FKBP14: variants seen among roughly 807,000 people sequenced by gnomAD.
FKBP14 encodes the protein FKBP prolyl isomerase 14.
In FKBP14, 20 loss-of-function variants were observed where a neutral mutation model predicts 21.6. That is an observed-to-expected ratio of 0.92 (90% confidence interval 0.65 to 1.34). The LOEUF is 1.34. FKBP14 is among the 40% of genes most tolerant of loss of function. FKBP14 has a pLI of 0.00. For synonymous variants in FKBP14, 79 were observed against 86.7 expected (o/e 0.91, Z 0.49); for missense variants, 253 against 249.0 (o/e 1.02, Z -0.11).
intron 2 of FKBP14, among the ~76,000 whole-genome samples, chr7:30,021,824 G>A (rs1164657827): frequency 2.0e-5 from 3 of 152,124 alleles, no homozygotes; most frequent in African/African-American, 7.2e-5. Context: ...CAAAGTGCTG[G>A]GATTACAGGT....
intron 2 of FKBP14, among the ~76,000 whole-genome samples, chr7:30,020,024 A>C (rs1416285892): frequency 1.3e-5 from 2 of 152,034 alleles, no homozygotes; most frequent in African/African-American, 2.4e-5. Context: ...CAAACAAACA[A>C]ACACACCCAT....
chr7:30,015,907 G>T (rs896878341), intron 3 of FKBP14, among the ~76,000 whole-genome samples: 4 of 151,700 alleles, frequency 2.6e-5, no homozygotes, highest in Non-Finnish European at 4.4e-5. Flanking sequence ...TTACAGGCGT[G>T]AGCCACCGCG....
intron 1 of FKBP14, among the ~76,000 whole-genome samples, chr7:30,024,543 G>C (rs978165785): frequency 4.6e-5 from 7 of 152,174 alleles, no homozygotes; most frequent in Non-Finnish European, 1.0e-4. Context: ...TGGGATTACA[G>C]GTGCCCACCA....
downstream of FKBP14, among the ~76,000 whole-genome samples, chr7:30,009,207 G>A (rs1789670193): frequency 6.7e-6 from 1 of 149,882 alleles, no homozygotes. Context: ...TTAGTTTTTT[G>A]TTTCTCCCTG....
intron 2 of FKBP14, among the ~76,000 whole-genome samples, chr7:30,019,901 G>C (rs1234257566): frequency 2.6e-5 from 4 of 152,030 alleles, no homozygotes; most frequent in Non-Finnish European, 5.9e-5. Flanking sequence ...TATATATGTT[G>C]AAGACATTTC....
At position 30,014,654 on chromosome 7, in the gene FKBP14, T is replaced by C; in HGVS notation, c.*81A>G. 1.1e-6 allele frequency: 1 copy of C among 932,634 alleles called. No homozygotes were observed. The highest frequency in any genetic ancestry group is 1.4e-6 in the Non-Finnish European group (1 of 694,766). 57.8% of individuals were successfully genotyped at this position (932,634 alleles called of 1,614,324 possible). ...ATAAAAAACAAAGCAAGAAAGAACA[T>C]TGTATAAAAATAAAATGTTCTTTAA... On this transcript the variant is annotated 3_prime_UTR_variant, in exon 4 of 4. Transcript: ENST00000222803.
chr7:30,007,546 C>T (rs951494920), downstream of FKBP14, among the ~76,000 whole-genome samples: 6 of 152,172 alleles, frequency 3.9e-5, no homozygotes, highest in Non-Finnish European at 7.4e-5. Flanking sequence ...GGTATCTCTA[C>T]ACAACTTATC....
intron 1 of FKBP14, among the ~76,000 whole-genome samples, chr7:30,023,796 G>C (rs142601829): frequency 6.6e-6 from 1 of 152,100 alleles, no homozygotes; most frequent in African/African-American, 2.4e-5. Context: ...ATCAGATCTC[G>C]TGAGACTTAT....
chr7:30,020,269 CT>C (rs1244308532), intron 2 of FKBP14: 2 of 1,275,558 alleles, frequency 1.6e-6, no homozygotes, highest in African/African-American at 3.1e-5. Context: ...AAACTGGTAT[CT>C]TTCCAAAAGA....
chr7:30,026,473 C>T lies in FKBP14; in HGVS notation c.36G>A (p.Leu12=). 6.2e-7 allele frequency: 1 copy of T among 1,613,874 alleles called. No individual in the cohort carries two copies. Among genetic ancestry groups the T allele is most frequent in the Non-Finnish European group, 8.5e-7 (1 of 1,179,910 alleles). Residue 12 remains leucine, a synonymous_variant, in exon 1 of 4, where the codon CTG becomes CTA. Coordinates refer to ENST00000222803, the MANE Select transcript of FKBP14 (RefSeq NM_017946.4). ...RLFLWNAVLT[L]FVTSLIGALI... is the part of the protein sequence containing the mutation. ...AAGCCCCAATCAAAGAAGTGACGAA[C>T]AGAGTCAAGACCGCGTTCCACAAGA...
Position 30,022,685 on chromosome 7 carries a change from C to T in FKBP14, c.329G>A (p.Gly110Asp), listed in dbSNP as rs1244619961. ...ATTACCTTTTCCTTCTTTTCCATAG[C>T]CCAGAGCAGGAGGAATGATGAGCTT... ...KRKLIIPPAL[G>D]YGKEGKGKIP... The change falls in exon 2 of 4, where the codon GGC (glycine) becomes GAC (aspartate). Residue 110 changes from glycine to aspartate, a missense_variant. Physicochemically the swap from Gly to Asp is moderately conservative, Grantham distance 94. Transcript: ENST00000222803. 1 of 1,613,806 alleles carries T rather than the reference C, an allele frequency of 6.2e-7. No homozygotes were observed. Among genetic ancestry groups the T allele is most frequent in the Admixed American group, 1.7e-5 (1 of 59,960 alleles).
chr7:30,007,184 G>T (rs1482571317), downstream of FKBP14, among the ~76,000 whole-genome samples: 1 of 147,924 alleles, frequency 6.8e-6, no homozygotes, highest in Non-Finnish European at 1.5e-5. Context: ...TTAAAAAAAA[G>T]AATTCAGTCA....
intron 1 of FKBP14, among the ~76,000 whole-genome samples, chr7:30,024,152 G>A (rs557789302): frequency 7.0e-4 from 107 of 152,224 alleles, no homozygotes; most frequent in African/African-American, 2.5e-3. Flanking sequence ...ACTGTACTAC[G>A]CTTCATGAGT....
chr7:30,017,159 G>A (rs1255399970), intron 3 of FKBP14, among the ~76,000 whole-genome samples: 1 of 151,312 alleles, frequency 6.6e-6, no homozygotes, highest in East Asian at 1.9e-4. Context: ...CTTGTACATA[G>A]CGAGACCTCA....
intron 1 of FKBP14, among the ~76,000 whole-genome samples, chr7:30,025,905 A>T (rs189256894): frequency 3.9e-5 from 6 of 152,260 alleles, no homozygotes; most frequent in Non-Finnish European, 5.9e-5. Context: ...AGTCGCTGTG[A>T]AAAGTTTTAG....
chr7:30,024,631 C>T (rs764352684), intron 1 of FKBP14, among the ~76,000 whole-genome samples: 1 of 152,110 alleles, frequency 6.6e-6, no homozygotes, highest in East Asian at 1.9e-4. Flanking sequence ...CTCCTGACCT[C>T]GCGATCTGCC....
downstream of FKBP14, among the ~76,000 whole-genome samples, chr7:30,008,845 A>G (rs531543142): frequency 2.6e-5 from 4 of 152,016 alleles, no homozygotes. Flanking sequence ...GCGTGGTGGC[A>G]GGCGCCTGTA....
chr7:30,022,041 T>A (rs868602958), intron 2 of FKBP14, among the ~76,000 whole-genome samples: 19 of 152,306 alleles, frequency 1.2e-4, no homozygotes, highest in South Asian at 1.0e-3. Context: ...TGATTTTTTT[T>A]AAATACATTG....
intron 1 of FKBP14, among the ~76,000 whole-genome samples, chr7:30,025,946 G>A (rs1194231099): frequency 2.0e-5 from 3 of 152,194 alleles, no homozygotes; most frequent in Non-Finnish European, 2.9e-5. Context: ...ATTAAAAATG[G>A]AATCAAGTCA....
Sources: gnomAD v4.1 joint callset for allele counts (sites outside exome capture counted in the v4.1 genomes callset) on GRCh38, gnomAD v4.1.1 for gene constraint, MANE v1.5 for transcripts, NCBI Gene and HGNC (gene_info 2026-07-23, HGNC 2026-07-21) for gene names.